Variants in DOCK9 observed in about 807,000 individuals in gnomAD.
DOCK9 encodes the protein dedicator of cytokinesis protein 9.
In DOCK9, 89 loss-of-function variants were observed where a neutral mutation model predicts 263.3. The ratio of observed to expected loss-of-function variants is 0.34; its 90% CI spans 0.28 to 0.40. DOCK9 has a LOEUF of 0.40. Among genes scored for constraint, DOCK9 ranks in the 10% least tolerant of loss-of-function variants. DOCK9 has a pLI of 1.00. For synonymous variants in DOCK9, 976 were observed against 973.1 expected (o/e 1.00, Z -0.06); for missense variants, 2,140 against 2,603.4 (o/e 0.82, Z 3.87).
chr13:98,800,198 C>T (rs1392529117), intron 50 of DOCK9, 90 bp downstream of exon 50: 1 of 1,370,344 alleles, frequency 7.3e-7, no homozygotes, highest in Non-Finnish European at 9.8e-7. Flanking sequence ...CCGAGGCTCT[C>T]AAGTAGACCT....
intron 3 of DOCK9, among the ~76,000 whole-genome samples, chr13:98,928,934 C>T (rs935789156): frequency 3.3e-5 from 5 of 152,066 alleles, no homozygotes; most frequent in African/African-American, 1.2e-4. Context: ...GATGAGGGAA[C>T]ACACTTAAAA....
intron 50 of DOCK9, among the ~76,000 whole-genome samples, chr13:98,797,901 T>C (rs1370348592): frequency 1.3e-5 from 2 of 152,218 alleles, no homozygotes; most frequent in East Asian, 3.8e-4. Context: ...ATCTGGTGAA[T>C]TCAGTGAAAA....
rs754643887 is a variant in DOCK9, at chr13:98,860,650, G to T, written c.3580-128C>A. On this transcript the variant is annotated intron_variant, in intron 32 of 52. Transcript: ENST00000682017. Reference sequence around the variant, plus strand: ...GCATTCAACGTGCCTGCCTGCATGGGAGGAGTAGCCTTGAGGCGTGGGTGA... The same window carrying T: ...GCATTCAACGTGCCTGCCTGCATGGTAGGAGTAGCCTTGAGGCGTGGGTGA... 5 of 712,412 alleles carry T rather than the reference G, an allele frequency of 7.0e-6. No homozygotes were observed. In the East Asian group the frequency reaches 2.0e-4, roughly 28 times the overall value. The allele number at this position is 712,412 out of a possible 1,614,324, so 44.1% of individuals were successfully genotyped here.
At position 98,985,074 on chromosome 13, in the gene DOCK9, G is replaced by A. The variant is rs558109131; in HGVS notation, c.130-29523C>T. 1.8e-3 allele frequency among the ~76,000 whole-genome samples: 272 copies of A among 150,050 alleles called. 2 individuals are homozygous for A. Among genetic ancestry groups the A allele is most frequent in the African/African-American group, 3.4e-3 (141 of 40,962 alleles). ...TCAGTGAAGAAGACTATGGGGGCAG[G>A]GGGGTGGGCAGTTGGGGGGGTGGGG... On this transcript the variant is annotated intron_variant, in intron 1 of 32. Coordinates refer to the DOCK9 transcript ENST00000427887.
intron 33 of DOCK9, chr13:98,859,745 G>GTATA (rs1278626381): frequency 2.0e-5 from 2 of 99,372 alleles, no homozygotes; most frequent in Non-Finnish European, 4.5e-5. Context: ...GTGTGTGTGT[G>GTATA]TGTGTGTGTA....
Position 98,831,890 on chromosome 13 carries a change from T to C in DOCK9, c.4315-104A>G, listed in dbSNP as rs763836858. ...TACATTTTCTAAGTATTAAGACAAC[T>C]TATACTTTAAACAAACTCTGCCTTG... is the stretch of plus-strand genomic sequence containing the variant. On this transcript the variant is annotated intron_variant, in intron 39 of 52. Coordinates refer to ENST00000682017, the MANE Select transcript of DOCK9 (RefSeq NM_001366683.2). The C allele has an allele frequency of 3.9e-4, 546 of 1,400,850 alleles. 4 individuals are homozygous for C. The highest frequency in any genetic ancestry group is 1.2e-4 in the Non-Finnish European group (120 of 1,033,646). The allele number at this position is 1,400,850 out of a possible 1,614,324, so 86.8% of individuals were successfully genotyped here.
At chr13:98,997,412 T>C (rs973390294) in intron 1 of DOCK9, among the ~76,000 whole-genome samples, 38 of 152,254 alleles carry the variant, frequency 2.5e-4, no homozygotes, top group Non-Finnish European at 7.3e-5. Context: ...TCAGTCCTGC[T>C]GAGCCCCGCA....
chr13:98,988,570 GACCAGACAGACAAAA>G (rs1879010241), intron 1 of DOCK9, among the ~76,000 whole-genome samples: 2 of 152,142 alleles, frequency 1.3e-5, no homozygotes, highest in Admixed American at 6.5e-5. Context: ...TACATTCCTT[GACCAGACAGACAAAA>G]TCAACACCCA....
At chr13:98,853,319 C>A in intron 35 of DOCK9, 89 bp downstream of exon 35, 1 of 787,450 alleles carries the variant, frequency 1.3e-6, no homozygotes, top group Admixed American at 2.6e-5. Context: ...CCTTTGAAAT[C>A]TTTGTATCAT....
At chr13:98,880,807 G>T in intron 25 of DOCK9, 135 bp from the exon 26 acceptor site, 1 of 1,188,072 alleles carries the variant, frequency 8.4e-7, no homozygotes. Flanking sequence ...TGGATACAAA[G>T]ATGGGAAGGG....
intron 45 of DOCK9, among the ~76,000 whole-genome samples, chr13:98,814,133 T>C (rs1413295550): frequency 6.6e-6 from 1 of 152,244 alleles, no homozygotes; most frequent in African/African-American, 2.4e-5. Flanking sequence ...TGACTCAATT[T>C]AGCAGAAAAC....
intron 52 of DOCK9, among the ~76,000 whole-genome samples, chr13:98,795,657 A>G (rs1294795293): frequency 6.6e-6 from 1 of 152,202 alleles, no homozygotes; most frequent in Non-Finnish European, 1.5e-5. Context: ...TGGAGGCTCC[A>G]CAGAAAAGAT....
chr13:98,964,882 C>T (rs1290866615), intron 1 of DOCK9, among the ~76,000 whole-genome samples: 1 of 152,214 alleles, frequency 6.6e-6, no homozygotes, highest in Non-Finnish European at 1.5e-5. Context: ...CCGGATGGGC[C>T]AGTGCCCTCC....
chr13:98,954,683 T>C lies in DOCK9; in HGVS notation c.243+752A>G, dbSNP rs148779104. Among the ~76,000 whole-genome samples the C allele has an allele frequency of 3.8e-3, 574 of 152,164 alleles. 4 individuals carry two copies. The highest frequency in any genetic ancestry group is 0.013 in the African/African-American group (549 of 41,518). On this transcript the variant is annotated intron_variant, in intron 2 of 52. Transcript: ENST00000682017. ...GAGTGCAGGGCCTCTGAAGGCAGGC[T>C]CCCAAATGCCATCCTAAAAAAAGGC... is the stretch of plus-strand genomic sequence containing the variant.
chr13:98,799,270 A>G (rs537290639), intron 50 of DOCK9, among the ~76,000 whole-genome samples: 1 of 152,382 alleles, frequency 6.6e-6, no homozygotes, highest in South Asian at 2.1e-4. Context: ...AAACCTATGT[A>G]TTATAATCCA....
chr13:98,820,089 G>A (rs1417137343), intron 45 of DOCK9, among the ~76,000 whole-genome samples: 2 of 152,126 alleles, frequency 1.3e-5, no homozygotes, highest in African/African-American at 4.8e-5. Context: ...CGCTTCCTAG[G>A]GAAAATGCAA....
At chr13:98,823,061 TAATGA>T (rs2092363063) in intron 45 of DOCK9, among the ~76,000 whole-genome samples, 1 of 151,896 alleles carries the variant, frequency 6.6e-6, no homozygotes, top group South Asian at 2.1e-4. Flanking sequence ...CTTATTAATT[TAATGA>T]AAACAATAAG....
At chr13:98,860,274 A>C in intron 33 of DOCK9, 131 bp downstream of exon 33, 3 of 1,478,530 alleles carry the variant, frequency 2.0e-6, no homozygotes, top group South Asian at 2.8e-5. Flanking sequence ...ACAAGCAGGA[A>C]AAGAATACTC....
intron 1 of DOCK9, among the ~76,000 whole-genome samples, chr13:98,995,335 C>A (rs1275816725): frequency 6.6e-6 from 1 of 152,270 alleles, no homozygotes; most frequent in East Asian, 1.9e-4. Flanking sequence ...AGGCTTTCTA[C>A]AAGCATACTC....
Sources: gnomAD v4.1 joint callset for allele counts (sites outside exome capture counted in the v4.1 genomes callset) on GRCh38, gnomAD v4.1.1 for gene constraint, MANE v1.5 for transcripts, NCBI Gene and HGNC (gene_info 2026-07-23, HGNC 2026-07-21) for gene names.